Variants in NINL observed in about 807,000 individuals in gnomAD.
NINL encodes the protein ninein-like protein.
NINL carries 153 observed loss-of-function variants against 160.3 expected under a neutral mutation model. The observed-to-expected ratio is 0.95, with a 90% CI of 0.84 to 1.09. The LOEUF is 1.09. Among genes scored for constraint, NINL ranks in the 50% least tolerant of loss-of-function variants. NINL has a pLI of 0.00. For synonymous variants in NINL, 800 were observed against 734.8 expected, an observed-to-expected ratio of 1.09 and a Z score of -1.43; for missense variants, 1,829 against 1,764.0, an observed-to-expected ratio of 1.04 and a Z score of -0.66.
intron 14 of NINL, among the ~76,000 whole-genome samples, chr20:25,481,363 A>G (rs1367528044): frequency 6.6e-6 from 1 of 152,202 alleles, no homozygotes; most frequent in Non-Finnish European, 1.5e-5. Flanking sequence ...ACAGACCTCA[A>G]GGGCGGCTGC....
chr20:25,510,281 C>T (rs1169474136), intron 5 of NINL, among the ~76,000 whole-genome samples: 1 of 152,248 alleles, frequency 6.6e-6, no homozygotes, highest in Non-Finnish European at 1.5e-5. Context: ...CTGTATCTAG[C>T]CCAGCGTGCC....
At chr20:25,522,073 T>C (rs1321617153) in intron 2 of NINL, among the ~76,000 whole-genome samples, 1 of 152,026 alleles carries the variant, frequency 6.6e-6, no homozygotes, top group Non-Finnish European at 1.5e-5. Flanking sequence ...CCCCAGCTAA[T>C]TGTTTTTTAT....
At chr20:25,464,864 G>A (rs181877257) in intron 19 of NINL, among the ~76,000 whole-genome samples, 8 of 152,312 alleles carry the variant, frequency 5.3e-5, no homozygotes, top group East Asian at 1.9e-4. Flanking sequence ...TCCCATTTGG[G>A]GTTTGTCTGG....
At chr20:25,510,554 A>T in intron 5 of NINL, 120 bp downstream of exon 5, 1 of 876,750 alleles carries the variant, frequency 1.1e-6, no homozygotes, top group Non-Finnish European at 1.9e-6. Context: ...GACACAACCC[A>T]CCCCATGCAT....
At chr20:25,455,557 C>T in intron 23 of NINL, 116 bp downstream of exon 23, 1 of 734,598 alleles carries the variant, frequency 1.4e-6, no homozygotes, top group Non-Finnish European at 2.4e-6. Flanking sequence ...ACATTTAGTT[C>T]CCTGGAATTC....
intron 19 of NINL, among the ~76,000 whole-genome samples, chr20:25,463,798 G>A (rs1185062807): frequency 6.6e-6 from 1 of 152,126 alleles, no homozygotes; most frequent in Non-Finnish European, 1.5e-5. Context: ...TTTCCATTTG[G>A]ATTTACTCAA....
rs1053069815 is a variant in NINL at position 25,500,720 on chromosome 20, T to G, written c.1032+120A>C. The G allele has an allele frequency of 4.8e-6, 5 of 1,041,674 alleles. No individual in the cohort carries two copies. In the African/African-American group the frequency reaches 8.0e-5, roughly 17 times the overall value. 64.5% of individuals were successfully genotyped at this position (1,041,674 alleles called of 1,614,324 possible). ...ACCTGGACTTCCTTGCATGGCATTC[T>G]CTGCACAGAGCACACACCCCTGCTG... On this transcript the variant is annotated intron_variant, in intron 8 of 23. Transcript: ENST00000278886.
In NINL at chr20:25,477,059, C is replaced by A; in HGVS notation, c.2232G>T (p.Glu744Asp). ...CGGGCAGGGCTCCCAGCCCCGACAG[C>A]TCTCCACTCAGCTCCGCCTCAGCCT... Reference protein sequence around the residue: ...RREAEAELSGELSGLGALPAR... With the variant: ...RREAEAELSGDLSGLGALPAR... Residue 744 changes from glutamate (E) to aspartate (D), a missense_variant, in exon 17 of 24, where the codon GAG (glutamate) becomes GAT (aspartate). Transcript: ENST00000278886. 1 of 1,598,014 alleles carries A rather than the reference C, an allele frequency of 6.3e-7. No individual in the cohort carries two copies. The highest frequency in any genetic ancestry group is 8.5e-7 in the Non-Finnish European group (1 of 1,179,378).
intron 7 of NINL, among the ~76,000 whole-genome samples, chr20:25,502,842 C>T (rs1464781659): frequency 6.6e-6 from 1 of 152,196 alleles, no homozygotes; most frequent in African/African-American, 2.4e-5. Flanking sequence ...CAGAAGCAGC[C>T]GAGCAGACAC....
intron 1 of NINL, among the ~76,000 whole-genome samples, chr20:25,555,984 T>TA (rs143658285): frequency 0.57 from 82,786 of 144,268 alleles, 23,513 homozygotes; most frequent in Admixed American, 0.63. Flanking sequence ...TTATTTTCAA[T>TA]AAAAAAAAAA....
chr20:25,585,251 C>T (rs901675312), intron 1 of NINL, among the ~76,000 whole-genome samples: 1 of 152,312 alleles, frequency 6.6e-6, no homozygotes, highest in South Asian at 2.1e-4. Flanking sequence ...GGCGTGACCC[C>T]CGCCCCGCCC....
At chr20:25,577,209 G>A (rs983857878) in intron 1 of NINL, among the ~76,000 whole-genome samples, 2 of 152,182 alleles carry the variant, frequency 1.3e-5, no homozygotes, top group East Asian at 1.9e-4. Flanking sequence ...GCTGCAGCCC[G>A]CCCTCTGGAG....
At chr20:25,510,973 A>C (rs1413938981) in intron 4 of NINL, among the ~76,000 whole-genome samples, 1 of 152,188 alleles carries the variant, frequency 6.6e-6, no homozygotes, top group Non-Finnish European at 1.5e-5. Flanking sequence ...GACAGGGGAC[A>C]TGCCTTGTTC....
chr20:25,497,344 A>C (rs2063777573), intron 9 of NINL, among the ~76,000 whole-genome samples: 1 of 152,202 alleles, frequency 6.6e-6, no homozygotes, highest in African/African-American at 2.4e-5. Flanking sequence ...CATTGGTGGC[A>C]CCTGCTATTC....
chr20:25,467,386 C>T lies in NINL; in HGVS notation c.3423+3G>A. Reference sequence around the variant, plus strand: ...AGCTCCATGCCAGGCGTCGATACGTCACCTGTCTGTTGAGCACCTCCATCT... The same window carrying T: ...AGCTCCATGCCAGGCGTCGATACGTTACCTGTCTGTTGAGCACCTCCATCT... On this transcript the variant is annotated splice_donor_region_variant and intron_variant, in intron 19 of 23. Coordinates refer to ENST00000278886, the MANE Select transcript of NINL (RefSeq NM_025176.6). 6.2e-7 allele frequency: 1 copy of T among 1,611,496 alleles called. No homozygotes were observed. The highest frequency in any genetic ancestry group is 8.5e-7 in the Non-Finnish European group (1 of 1,177,562).
intron 19 of NINL, among the ~76,000 whole-genome samples, chr20:25,463,912 A>G (rs577626431): frequency 1.3e-5 from 2 of 152,194 alleles, no homozygotes; most frequent in Admixed American, 6.5e-5. Context: ...AGCTTCCACC[A>G]CGACATAAGC....
intron 8 of NINL, chr20:25,499,300 G>A (rs2063821385): frequency 2.2e-6 from 2 of 910,306 alleles, no homozygotes; most frequent in African/African-American, 1.8e-5. Flanking sequence ...GCAGCCTGAG[G>A]TCAGAAATGC....
rs1271912037 is a variant in NINL, at chr20:25,498,250, C to T, written c.1129G>A (p.Ala377Thr). The T allele has an allele frequency of 6.2e-7, 1 of 1,613,168 alleles. No homozygotes were observed. Reference sequence around the variant, plus strand: ...TCCTGGTGGTAGCAGGCCAGGGCTGCCTGCTGGACGGCACTGTCCACTGTC... The same window carrying T: ...TCCTGGTGGTAGCAGGCCAGGGCTGTCTGCTGGACGGCACTGTCCACTGTC... Reference protein sequence around the residue: ...LMTVDSAVQQAALACYHQELS... With the variant: ...LMTVDSAVQQTALACYHQELS... Residue 377 changes from alanine (A) to threonine (T), a missense_variant, in exon 9 of 24, where the codon GCA becomes ACA. Coordinates refer to ENST00000278886, the MANE Select transcript of NINL (RefSeq NM_025176.6).
chr20:25,546,283 C>T (rs2064730925), intron 1 of NINL, among the ~76,000 whole-genome samples: 1 of 152,130 alleles, frequency 6.6e-6, no homozygotes, highest in Non-Finnish European at 1.5e-5. Flanking sequence ...AGGTTTCCCC[C>T]AGGTGGATTC....
Sources: gnomAD v4.1 joint callset for allele counts (sites outside exome capture counted in the v4.1 genomes callset) on GRCh38, gnomAD v4.1.1 for gene constraint, MANE v1.5 for transcripts, NCBI Gene and HGNC (gene_info 2026-07-23, HGNC 2026-07-21) for gene names.